The following PCDH15 variants were observed in gnomAD, a reference collection of about 807,000 sequenced individuals.
PCDH15 encodes the protein protocadherin-15.
PCDH15 carries 129 observed loss-of-function variants against 178.5 expected under a neutral mutation model. The observed-to-expected ratio is 0.72, with a 90% CI of 0.63 to 0.84. PCDH15 has a LOEUF of 0.84. Ranked by LOEUF, PCDH15 falls within the 40% of genes least tolerant of loss-of-function variation. PCDH15 has a pLI of 0.00. For synonymous variants in PCDH15, 800 were observed against 732.0 expected (o/e 1.09, Z -1.50); for missense variants, 2,230 against 2,099.9 (o/e 1.06, Z -1.21).
chr10:55,260,987 A>G (rs1260909895), intron 1 of PCDH15, among the ~76,000 whole-genome samples: 2 of 152,020 alleles, frequency 1.3e-5, no homozygotes. Flanking sequence ...CTTTTTTTCT[A>G]TTGAATAGTG....
At chr10:54,014,523 A>G (rs2135205965) in intron 20 of PCDH15, among the ~76,000 whole-genome samples, 1 of 152,316 alleles carries the variant, frequency 6.6e-6, no homozygotes, top group East Asian at 1.9e-4. Context: ...CTTCAACAAA[A>G]TACTGGCAAA....
chr10:54,067,920 G>C (rs1590216218), intron 17 of PCDH15, among the ~76,000 whole-genome samples: 2 of 152,104 alleles, frequency 1.3e-5, no homozygotes, highest in Middle Eastern at 6.8e-3. Context: ...AAGCTGAAAA[G>C]GTTTTGCAGC....
At chr10:53,847,957 G>A (rs2078088103) in intron 28 of PCDH15, among the ~76,000 whole-genome samples, 3 of 151,830 alleles carry the variant, frequency 2.0e-5, no homozygotes, top group Non-Finnish European at 4.4e-5. Flanking sequence ...GACATATATG[G>A]AAGCATCTAA....
At chr10:54,995,248 C>T (rs912268048) in intron 2 of PCDH15, among the ~76,000 whole-genome samples, 1 of 151,876 alleles carries the variant, frequency 6.6e-6, no homozygotes, top group Admixed American at 6.6e-5. Flanking sequence ...TGGTCATGGG[C>T]GCCTGTAGTC....
chr10:54,208,018 T>C (rs1188412674), intron 10 of PCDH15, among the ~76,000 whole-genome samples: 1 of 152,020 alleles, frequency 6.6e-6, no homozygotes, highest in Non-Finnish European at 1.5e-5. Context: ...TCCCCTTTTG[T>C]TAGTTGGATG....
intron 10 of PCDH15, among the ~76,000 whole-genome samples, chr10:54,204,619 T>C (rs918496001): frequency 6.6e-6 from 1 of 152,112 alleles, no homozygotes. Flanking sequence ...AAATAAGCTA[T>C]GAACTTGCTC....
intron 8 of PCDH15, among the ~76,000 whole-genome samples, chr10:54,241,747 G>T (rs2055321215): frequency 6.6e-6 from 1 of 151,878 alleles, no homozygotes; most frequent in South Asian, 2.1e-4. Context: ...CTTAGTCATG[G>T]GGACACATAA....
chr10:54,762,280 A>C (rs1947974739), intron 1 of PCDH15, among the ~76,000 whole-genome samples: 1 of 152,114 alleles, frequency 6.6e-6, no homozygotes, highest in African/African-American at 2.4e-5. Context: ...TTCAAGAAAA[A>C]ATTTGCTGGA....
intron 1 of PCDH15, among the ~76,000 whole-genome samples, chr10:54,685,296 T>G (rs1274704007): frequency 6.6e-6 from 1 of 152,144 alleles, no homozygotes. Context: ...TGAAGTACAC[T>G]CTAAAATAAC....
intron 8 of PCDH15, among the ~76,000 whole-genome samples, chr10:54,314,130 TACACAC>T (rs58949602): frequency 0.19 from 28,955 of 149,706 alleles, 3,008 homozygotes; most frequent in African/African-American, 0.27. Flanking sequence ...TAATTGGAAG[TACACAC>T]ACACACACAC....
intron 8 of PCDH15, among the ~76,000 whole-genome samples, chr10:54,276,934 G>A (rs12246175): frequency 0.5 from 75,079 of 151,328 alleles, 19,559 homozygotes; most frequent in Middle Eastern, 0.61. Flanking sequence ...GTATCTACAA[G>A]TAGAAAATGG....
chr10:54,511,172 A>G (rs1209422238), intron 3 of PCDH15, among the ~76,000 whole-genome samples: 1 of 152,148 alleles, frequency 6.6e-6, no homozygotes, highest in Non-Finnish European at 1.5e-5. Context: ...TTCCTGTTAA[A>G]ATTGCTGCAG....
intron 3 of PCDH15, among the ~76,000 whole-genome samples, chr10:54,408,052 CA>C (rs71461239): frequency 0.025 from 2,125 of 83,694 alleles, 44 homozygotes; most frequent in African/African-American, 0.089. Flanking sequence ...GAGACTCTGT[CA>C]AAAAAAAAAA....
chr10:55,195,065 C>A (rs1239337618), intron 1 of PCDH15, among the ~76,000 whole-genome samples: 1 of 150,762 alleles, frequency 6.6e-6, no homozygotes, highest in African/African-American at 2.4e-5. Context: ...GCTCTGTGGC[C>A]CAGGCTGGAG....
At chr10:54,638,736 C>T (rs544518625) in intron 2 of PCDH15, among the ~76,000 whole-genome samples, 9 of 152,140 alleles carry the variant, frequency 5.9e-5, no homozygotes, top group South Asian at 2.1e-4. Flanking sequence ...CATACACATG[C>T]GCATTTATTT....
Position 55,154,268 on chromosome 10 carries a change from A to G in PCDH15, c.-80+12308T>C, listed in dbSNP as rs144984866. 4.2e-3 allele frequency among the ~76,000 whole-genome samples: 644 copies of G among 152,292 alleles called. 5 individuals are homozygous for G. The highest frequency in any genetic ancestry group is 0.015 in the African/African-American group (626 of 41,566). On this transcript the variant is annotated intron_variant, in intron 2 of 5. Transcript: ENST00000458638. ...TTATATATTTCATACTATAATGAAA[A>G]CAAGTATAATATTAGTCAAAACAAA...
At chr10:53,991,905 G>A (rs1282786820) in intron 21 of PCDH15, among the ~76,000 whole-genome samples, 2 of 152,098 alleles carry the variant, frequency 1.3e-5, no homozygotes, top group Non-Finnish European at 2.9e-5. Flanking sequence ...ATGTGGGTGG[G>A]GTCAGATAAG....
At chr10:54,294,805 C>T (rs1350961735) in intron 8 of PCDH15, among the ~76,000 whole-genome samples, 2 of 152,110 alleles carry the variant, frequency 1.3e-5, no homozygotes, top group Admixed American at 1.3e-4. Flanking sequence ...GTAAACACTC[C>T]TAATTTAACT....
intron 2 of PCDH15, among the ~76,000 whole-genome samples, chr10:54,943,214 T>C (rs369254346): frequency 2.4e-4 from 37 of 152,100 alleles, no homozygotes; most frequent in African/African-American, 7.9e-4. Context: ...ATGTGTTTCA[T>C]TGACAATTCC....
Sources: gnomAD v4.1 joint callset for allele counts (sites outside exome capture counted in the v4.1 genomes callset) on GRCh38, gnomAD v4.1.1 for gene constraint, MANE v1.5 for transcripts, NCBI Gene and HGNC (gene_info 2026-07-23, HGNC 2026-07-21) for gene names.